The following SDK1 variants were observed in gnomAD, a reference collection of about 807,000 sequenced individuals.
SDK1 encodes sidekick cell adhesion molecule 1, also known as protein sidekick-1.
A neutral mutation model predicts 245.5 loss-of-function variants in SDK1; 157 were observed. The observed-to-expected ratio is 0.64, with a 90% CI of 0.56 to 0.73. The LOEUF (loss-of-function observed/expected upper bound fraction) is 0.73. Among genes scored for constraint, SDK1 ranks in the 30% least tolerant of loss-of-function variants. The pLI, the probability that SDK1 is intolerant of heterozygous loss-of-function variation, is 0.00. For missense variants in SDK1, 3,583 were observed against 3,002.3 expected (o/e 1.19, Z -4.52); for synonymous variants, 1,647 against 1,278.5 (o/e 1.29, Z -6.15).
At chr7:4,053,460 T>C (rs549705406) in intron 19 of SDK1, among the ~76,000 whole-genome samples, 2 of 152,300 alleles carry the variant, frequency 1.3e-5, no homozygotes, top group South Asian at 2.1e-4. Flanking sequence ...CTATTACTTC[T>C]TCCAATCTTT....
chr7:3,364,360 A>T (rs1192397803), intron 1 of SDK1, among the ~76,000 whole-genome samples: 1 of 152,120 alleles, frequency 6.6e-6, no homozygotes, highest in African/African-American at 2.4e-5. Context: ...TTCTGCCTAG[A>T]CTTGGATCCT....
At chr7:3,854,989 G>T (rs543022412) in intron 5 of SDK1, among the ~76,000 whole-genome samples, 1 of 152,280 alleles carries the variant, frequency 6.6e-6, no homozygotes, top group African/African-American at 2.4e-5. Context: ...TTCATCTACA[G>T]TGTCCTCCAG....
At chr7:4,147,811 G>A (rs969776839) in intron 29 of SDK1, among the ~76,000 whole-genome samples, 3 of 152,076 alleles carry the variant, frequency 2.0e-5, no homozygotes, top group Non-Finnish European at 2.9e-5. Flanking sequence ...CCAAGCAAAC[G>A]TTTTGACTTC....
rs2128125450 is a variant in SDK1 at position 3,951,723 on chromosome 7, C to T, written c.960-7C>T. 8.1e-6 allele frequency: 13 copies of T among 1,611,624 alleles called. No individual in the cohort carries two copies. Among genetic ancestry groups the T allele is most frequent in the Non-Finnish European group, 1.1e-5 (13 of 1,179,422 alleles). Reference sequence around the variant, plus strand: ...ATCGTCGTCATGAATGCCTTTCATTCCCACAGGCCTGTGGAGGACCTGAGT... The same window carrying T: ...ATCGTCGTCATGAATGCCTTTCATTTCCACAGGCCTGTGGAGGACCTGAGT... On this transcript the variant is annotated splice_region_variant and splice_polypyrimidine_tract_variant and intron_variant, in intron 6 of 44. Coordinates refer to ENST00000404826, the MANE Select transcript of SDK1 (RefSeq NM_152744.4).
chr7:4,024,408 C>G (rs896198691), intron 17 of SDK1, among the ~76,000 whole-genome samples: 1 of 152,292 alleles, frequency 6.6e-6, no homozygotes, highest in East Asian at 1.9e-4. Context: ...TCAGGCTGTA[C>G]CTGCAGAATA....
intron 1 of SDK1, chr7:3,302,547 T>C (rs1004583293): frequency 3.9e-5 from 6 of 152,014 alleles, no homozygotes; most frequent in Non-Finnish European, 7.4e-5. Flanking sequence ...GGAAATGACC[T>C]TTTGAAACGA....
At chr7:4,093,691 C>T (rs1294759686) in intron 22 of SDK1, among the ~76,000 whole-genome samples, 4 of 152,146 alleles carry the variant, frequency 2.6e-5, no homozygotes, top group African/African-American at 4.8e-5. Flanking sequence ...ACAGCGACAG[C>T]GTTTGGAATG....
In SDK1 at chr7:4,119,388, G is replaced by A. The variant is rs548351545; in HGVS notation, c.3823+5114G>A. ...GAGAACTGCTTCAGCCCAGGAGGTC[G>A]AGCCTGCCATGAACTACGATCATAC... On this transcript the variant is annotated intron_variant, in intron 25 of 44. Coordinates refer to ENST00000404826, the MANE Select transcript of SDK1 (RefSeq NM_152744.4). Among the ~76,000 whole-genome samples the A allele has an allele frequency of 5.7e-4, 84 of 148,394 alleles. 11 individuals carry two copies. The highest frequency in any genetic ancestry group is 3.5e-3 in the Middle Eastern group (1 of 288).
chr7:4,046,914 TA>T (rs1437779542), intron 17 of SDK1, among the ~76,000 whole-genome samples: 1 of 152,074 alleles, frequency 6.6e-6, no homozygotes, highest in Non-Finnish European at 1.5e-5. Context: ...TTATTCACTA[TA>T]TTGATTGGTT....
chr7:3,728,491 A>G (rs952230684), intron 4 of SDK1, among the ~76,000 whole-genome samples: 30 of 152,210 alleles, frequency 2.0e-4, no homozygotes, highest in Non-Finnish European at 3.7e-4. Context: ...AGTCTTTTAC[A>G]CATGAATAAA....
chr7:4,054,916 A>G (rs1008476085), intron 19 of SDK1, among the ~76,000 whole-genome samples: 1 of 152,188 alleles, frequency 6.6e-6, no homozygotes. Flanking sequence ...CTGATTTGCA[A>G]ATGTCAAACC....
In SDK1 at chr7:4,051,650, C is replaced by T. The variant is rs753162406; in HGVS notation, c.2731C>T (p.Pro911Ser). 1 of 1,610,326 alleles carries T rather than the reference C, an allele frequency of 6.2e-7. No individual in the cohort carries two copies. The change falls in exon 19 of 45, where the codon CCG becomes TCG. Residue 911 changes from proline (P) to serine (S), a missense_variant. Transcript: ENST00000404826. ...TGTTCCATCTCAGCTTCTGGCATGGCCGGCAGATGCCCCCGAGGCTGTCAC... is the reference window on the plus strand; with the variant it reads ...TGTTCCATCTCAGCTTCTGGCATGGTCGGCAGATGCCCCCGAGGCTGTCAC... ...INQGYKLLAW[P>S]ADAPEAVTVV... is the part of the protein sequence containing the mutation.
At chr7:4,059,260 G>C (rs946055608) in intron 19 of SDK1, among the ~76,000 whole-genome samples, 1 of 152,170 alleles carries the variant, frequency 6.6e-6, no homozygotes, top group Non-Finnish European at 1.5e-5. Flanking sequence ...TGGAAAAAGA[G>C]ATTTTGTGCA....
At position 4,139,523 on chromosome 7, in the gene SDK1, G is replaced by GTGTA. The variant is rs1562871662; in HGVS notation, c.4229-6198_4229-6197insGTAT. 2.3e-3 allele frequency among the ~76,000 whole-genome samples: 24 copies of GTGTA among 10,228 alleles called. 6 individuals are homozygous for GTGTA. Among genetic ancestry groups the GTGTA allele is most frequent in the African/African-American group, 3.8e-3 (24 of 6,280 alleles). The allele number at this position is 10,228 out of a possible 152,430, so 6.7% of individuals were successfully genotyped here. ...TGTGTGTATATGTATATATGTGTGTGTATGTGTGTGTGTATATATGTGTGT... is the reference window on the plus strand; with the variant it reads ...TGTGTGTATATGTATATATGTGTGTGTGTATATGTGTGTGTGTATATATGTGTGT... On this transcript the variant is annotated intron_variant, in intron 28 of 44. Transcript: ENST00000404826.
At chr7:3,564,311 CAAAAAG>C (rs1779838992) in intron 1 of SDK1, among the ~76,000 whole-genome samples, 1 of 151,826 alleles carries the variant, frequency 6.6e-6, no homozygotes, top group Non-Finnish European at 1.5e-5. Context: ...CTGACAGACT[CAAAAAG>C]AAAGAAAAGA....
rs545569275 is a variant in SDK1 at position 4,176,226 on chromosome 7, G to A, written c.4996+392G>A. On this transcript the variant is annotated intron_variant, in intron 34 of 44. Coordinates refer to ENST00000404826, the MANE Select transcript of SDK1 (RefSeq NM_152744.4). ...TGCCGAGGCTGGAGTGCAGTGGCAC[G>A]ATCACAGCTCACTGCAGCCTTGAAC... is the stretch of plus-strand genomic sequence containing the variant. 1.7e-3 allele frequency among the ~76,000 whole-genome samples: 263 copies of A among 150,538 alleles called. 1 individual carries two copies. Among genetic ancestry groups the A allele is most frequent in the African/African-American group, 6.1e-3 (248 of 40,780 alleles).
intron 1 of SDK1, among the ~76,000 whole-genome samples, chr7:3,321,719 TCCC>T (rs1219714599): frequency 5.1e-5 from 1 of 19,742 alleles, no homozygotes; most frequent in Non-Finnish European, 9.0e-5. Flanking sequence ...CCCCTCCCTC[TCCC>T]CTCTCCCTCC....
At chr7:3,449,364 G>A (rs578026284) in intron 1 of SDK1, among the ~76,000 whole-genome samples, 9 of 151,024 alleles carry the variant, frequency 6.0e-5, no homozygotes, top group East Asian at 5.8e-4. Context: ...GTACAAAATC[G>A]TGCTTTCTAC....
chr7:3,361,575 C>T (rs1048356583), intron 1 of SDK1, among the ~76,000 whole-genome samples: 1 of 152,282 alleles, frequency 6.6e-6, no homozygotes, highest in African/African-American at 2.4e-5. Context: ...ATTTTACCCT[C>T]CCTCGTTGGT....
Sources: allele counts gnomAD v4.1 joint callset (sites outside exome capture counted in the v4.1 genomes callset), GRCh38; gene constraint gnomAD v4.1.1; transcripts MANE v1.5; gene names NCBI Gene and HGNC (gene_info 2026-07-23, HGNC 2026-07-21).